ACBD5: variants seen among roughly 807,000 people sequenced by gnomAD.
The protein encoded by ACBD5 is acyl-CoA binding domain containing 5.
Under a neutral mutation model 71.8 loss-of-function variants are expected in ACBD5, and 40 were observed. The observed-to-expected ratio is 0.56, with a 90% CI of 0.43 to 0.72. ACBD5 has a LOEUF of 0.72. Ranked by LOEUF, ACBD5 falls within the 30% of genes least tolerant of loss-of-function variation. The probability of loss-of-function intolerance (pLI) is 0.00; values close to 1 mark genes in which losing one functional copy is unlikely to be tolerated. For missense variants in ACBD5, 559 were observed against 644.5 expected, an observed-to-expected ratio of 0.87 and a Z score of 1.44; for synonymous variants, 229 against 218.6, an observed-to-expected ratio of 1.05 and a Z score of -0.42.
intron 10 of ACBD5, among the ~76,000 whole-genome samples, chr10:27,205,863 T>C (rs1407629016): frequency 6.6e-6 from 1 of 152,016 alleles, no homozygotes; most frequent in Non-Finnish European, 1.5e-5. Flanking sequence ...TCCAAGTGAA[T>C]TATGCAAATT....
chr10:27,220,418 T>A lies in ACBD5; in HGVS notation c.491-561A>T, dbSNP rs564042689. Reference sequence around the variant, plus strand: ...GCCAAAGCTATATCCCGAGGGTAAATACATCAGAGCTTCTCAACTTTAATG... The same window carrying A: ...GCCAAAGCTATATCCCGAGGGTAAAAACATCAGAGCTTCTCAACTTTAATG... On this transcript the variant is annotated intron_variant, in intron 5 of 12. Transcript: ENST00000396271. 3.3e-5 allele frequency: 5 copies of A among 153,206 alleles called. No individual in the cohort carries two copies. The East Asian group carries it at 9.6e-4, about 29-fold the overall frequency. The allele number at this position is 153,206 out of a possible 1,614,324, so 9.5% of individuals were successfully genotyped here.
intron 7 of ACBD5, 150 bp downstream of exon 7, chr10:27,217,830 T>C: frequency 1.2e-6 from 1 of 810,464 alleles, no homozygotes; most frequent in Non-Finnish European, 1.9e-6. Flanking sequence ...TTCACTCTTT[T>C]TCAAAACTAT....
At chr10:27,201,062 C>A (rs1171823831) in intron 12 of ACBD5, among the ~76,000 whole-genome samples, 1 of 152,168 alleles carries the variant, frequency 6.6e-6, no homozygotes, top group East Asian at 1.9e-4. Flanking sequence ...TCTCAGGAGG[C>A]TGAGGCAGCA....
At position 27,186,415 on chromosome 10, in the gene ACBD5, G is replaced by A; in HGVS notation, c.1494-3700C>T. 6.2e-7 allele frequency: 1 copy of A among 1,614,108 alleles called. No individual in the cohort carries two copies. The highest frequency in any genetic ancestry group is 8.5e-7 in the Non-Finnish European group (1 of 1,180,020). On this transcript the variant is annotated intron_variant, in intron 13 of 13. Coordinates refer to the ACBD5 transcript ENST00000676511. Reference sequence around the variant, plus strand: ...CATCCTCTCTTCAGTGATGTGGACTGGGAAAATCTGCAGCATCAGACTATG... The same window carrying A: ...CATCCTCTCTTCAGTGATGTGGACTAGGAAAATCTGCAGCATCAGACTATG...
chr10:27,192,305 G>GA (rs1428534256), downstream of ACBD5, among the ~76,000 whole-genome samples: 1 of 150,222 alleles, frequency 6.7e-6, no homozygotes, highest in Admixed American at 6.6e-5. Flanking sequence ...TTATAATAAT[G>GA]AAAAAAAAAG....
In ACBD5 at chr10:27,215,682, A is replaced by G. The variant is rs746398303; in HGVS notation, c.830-41T>C. 16 of 1,421,864 alleles carry G rather than the reference A, an allele frequency of 1.1e-5. No homozygotes were observed. The South Asian group carries it at 1.5e-4, about 14-fold the overall frequency. 88.1% of individuals were successfully genotyped at this position (1,421,864 alleles called of 1,614,324 possible). On this transcript the variant is annotated intron_variant, in intron 7 of 12. Transcript: ENST00000396271. Reference sequence around the variant, plus strand: ...AGTGCAGATAGGGTAATTATACTATAGTAGAAGAAAAACAAATTTATTCCT... The same window carrying G: ...AGTGCAGATAGGGTAATTATACTATGGTAGAAGAAAAACAAATTTATTCCT...
chr10:27,195,825 C>T lies in ACBD5; in HGVS notation c.*1605G>A, dbSNP rs900913347. 2 of 442,440 alleles carry T rather than the reference C, an allele frequency of 4.5e-6. No individual in the cohort carries two copies. The highest frequency in any genetic ancestry group is 2.0e-5 in the African/African-American group (1 of 49,542). The allele number at this position is 442,440 out of a possible 1,614,324, so 27.4% of individuals were successfully genotyped here. ...GGCAAACAAAGAACCATTCTGTATA[C>T]TAAAGACAGATTATTTCTTATTTAA... On this transcript the variant is annotated 3_prime_UTR_variant, in exon 13 of 13. Coordinates refer to ENST00000396271, the MANE Select transcript of ACBD5 (RefSeq NM_145698.5).
chr10:27,200,275 C>T lies in ACBD5; in HGVS notation c.1566-2833G>A, dbSNP rs548963903. Among the ~76,000 whole-genome samples the T allele has an allele frequency of 7.2e-5, 11 of 152,274 alleles. No individual in the cohort carries two copies. In the East Asian group the frequency reaches 2.1e-3, roughly 29 times the overall value. On this transcript the variant is annotated intron_variant, in intron 12 of 12. Transcript: ENST00000396271. ...GATGAGAGTGACCTCTGGTCGTCCT[C>T]ACTGCTACACTCCCACCAGCGCCAT...
intron 6 of ACBD5, among the ~76,000 whole-genome samples, chr10:27,219,427 T>C (rs921960316): frequency 2.0e-5 from 3 of 152,214 alleles, no homozygotes; most frequent in Admixed American, 6.5e-5. Flanking sequence ...CAGATTCATG[T>C]TGGGAACAAC....
chr10:27,201,441 G>A (rs1401363870), intron 12 of ACBD5, among the ~76,000 whole-genome samples: 2 of 151,972 alleles, frequency 1.3e-5, no homozygotes, highest in African/African-American at 2.4e-5. Flanking sequence ...ATTATTCTAC[G>A]CTAGAAAAAA....
chr10:27,185,661 A>G (rs2058672704), intron 13 of ACBD5, among the ~76,000 whole-genome samples: 1 of 149,440 alleles, frequency 6.7e-6, no homozygotes, highest in Non-Finnish European at 1.5e-5. Flanking sequence ...GGTAGCACTC[A>G]CCTGTAGTCC....
intron 3 of ACBD5, among the ~76,000 whole-genome samples, chr10:27,234,062 T>TAAAA (rs2064292951): frequency 6.6e-6 from 1 of 152,078 alleles, no homozygotes; most frequent in African/African-American, 2.4e-5. Context: ...AATAAATAAA[T>TAAAA]AAAACATGCT....
chr10:27,186,349 C>T, intron 13 of ACBD5: 1 of 1,599,998 alleles, frequency 6.3e-7, no homozygotes, highest in Non-Finnish European at 8.6e-7. Flanking sequence ...GTAATGATAT[C>T]ATACTGTTTT....
intron 9 of ACBD5, among the ~76,000 whole-genome samples, chr10:27,210,478 C>A (rs1022896245): frequency 6.6e-6 from 1 of 152,046 alleles, no homozygotes; most frequent in Non-Finnish European, 1.5e-5. Flanking sequence ...ATTAGTCAGG[C>A]GGCCGGGCAC....
At chr10:27,204,583 T>C in intron 11 of ACBD5, 34 bp from the exon 12 acceptor site, 1 of 1,451,404 alleles carries the variant, frequency 6.9e-7, no homozygotes, top group Non-Finnish European at 9.7e-7. Context: ...CACCAATCTA[T>C]TCAATACTGC....
intron 2 of ACBD5, among the ~76,000 whole-genome samples, chr10:27,238,929 G>T (rs772205276): frequency 6.6e-6 from 1 of 152,226 alleles, no homozygotes; most frequent in Non-Finnish European, 1.5e-5. Context: ...CGGGCGCGGT[G>T]GCTCATGCCT....
chr10:27,239,813 A>G (rs181866369), intron 2 of ACBD5, among the ~76,000 whole-genome samples: 2 of 152,032 alleles, frequency 1.3e-5, no homozygotes, highest in Admixed American at 6.6e-5. Context: ...GTGGCACGAT[A>G]TCGGGTCACT....
At chr10:27,229,363 G>A (rs1382783260) in intron 4 of ACBD5, among the ~76,000 whole-genome samples, 1 of 151,864 alleles carries the variant, frequency 6.6e-6, no homozygotes, top group Non-Finnish European at 1.5e-5. Context: ...ACCGAGGTGA[G>A]TGTATCACCT....
chr10:27,241,570 G>T (rs1223585257), upstream of ACBD5, among the ~76,000 whole-genome samples: 1 of 152,146 alleles, frequency 6.6e-6, no homozygotes, highest in Non-Finnish European at 1.5e-5. Context: ...TTTAATAGGA[G>T]ACTGGGCATG....
Sources: allele counts gnomAD v4.1 joint callset (sites outside exome capture counted in the v4.1 genomes callset), GRCh38; gene constraint gnomAD v4.1.1; transcripts MANE v1.5; gene names NCBI Gene and HGNC (gene_info 2026-07-23, HGNC 2026-07-21).